Variants in GLCE observed in about 807,000 individuals in gnomAD.
GLCE encodes the protein D-glucuronyl C5-epimerase.
GLCE carries 19 observed loss-of-function variants against 47.9 expected under a neutral mutation model. The observed-to-expected ratio is 0.40, with a 90% CI of 0.28 to 0.58. GLCE has a LOEUF of 0.58. GLCE is among the 20% of genes least tolerant of loss of function. GLCE has a pLI of 0.48. For missense variants in GLCE, 556 were observed against 743.3 expected, an observed-to-expected ratio of 0.75 and a Z score of 2.93; for synonymous variants, 245 against 263.4, an observed-to-expected ratio of 0.93 and a Z score of 0.68.
At chr15:69,246,184 GTTAC>G (rs778079078) in intron 2 of GLCE, among the ~76,000 whole-genome samples, 21 of 152,090 alleles carry the variant, frequency 1.4e-4, no homozygotes, top group Non-Finnish European at 2.9e-4. Context: ...CACATCTGTA[GTTAC>G]TTCCTCCACT....
intron 2 of GLCE, among the ~76,000 whole-genome samples, chr15:69,229,422 G>T (rs544816753): frequency 6.6e-6 from 1 of 152,240 alleles, no homozygotes; most frequent in East Asian, 1.9e-4. Context: ...TTTGAGTTTG[G>T]GTTCAGAGAT....
At chr15:69,179,856 G>T (rs2051726505) in intron 1 of GLCE, among the ~76,000 whole-genome samples, 1 of 152,050 alleles carries the variant, frequency 6.6e-6, no homozygotes, top group Non-Finnish European at 1.5e-5. Context: ...GCGTGGTGGT[G>T]CATGCCTGTA....
At chr15:69,225,776 T>C (rs2052437970) in intron 2 of GLCE, among the ~76,000 whole-genome samples, 3 of 152,204 alleles carry the variant, frequency 2.0e-5, no homozygotes, top group African/African-American at 7.2e-5. Flanking sequence ...CATTTAATAC[T>C]ACATTATGAA....
At chr15:69,192,833 C>T (rs934901016) in intron 1 of GLCE, among the ~76,000 whole-genome samples, 5 of 152,108 alleles carry the variant, frequency 3.3e-5, no homozygotes, top group Admixed American at 1.3e-4. Context: ...TGCTATTCAG[C>T]AAGATTTCAC....
intron 2 of GLCE, among the ~76,000 whole-genome samples, chr15:69,217,169 C>CAT (rs894791021): frequency 4.6e-5 from 7 of 151,706 alleles, no homozygotes; most frequent in South Asian, 4.2e-4. Flanking sequence ...ACTTATAAAA[C>CAT]ATATATATAT....
At chr15:69,213,105 T>G (rs1327859002) in intron 2 of GLCE, among the ~76,000 whole-genome samples, 1 of 152,122 alleles carries the variant, frequency 6.6e-6, no homozygotes, top group African/African-American at 2.4e-5. Context: ...GAAATAATTT[T>G]AGATGTACAA....
chr15:69,236,875 T>C (rs528389617), intron 2 of GLCE, among the ~76,000 whole-genome samples: 1 of 152,338 alleles, frequency 6.6e-6, no homozygotes, highest in East Asian at 1.9e-4. Context: ...TTTGTAGTTA[T>C]GAGAATTAAG....
intron 4 of GLCE, among the ~76,000 whole-genome samples, chr15:69,264,226 G>C (rs1228716161): frequency 6.6e-6 from 1 of 151,354 alleles, no homozygotes; most frequent in Non-Finnish European, 1.5e-5. Context: ...TTGTTTGGAG[G>C]TCCACATATA....
At chr15:69,239,062 G>A (rs908125428) in intron 2 of GLCE, among the ~76,000 whole-genome samples, 1 of 152,156 alleles carries the variant, frequency 6.6e-6, no homozygotes, top group Non-Finnish European at 1.5e-5. Context: ...TCCTCCCAGG[G>A]TCTGTTTTCT....
intron 1 of GLCE, chr15:69,197,136 C>G (rs1566953226): frequency 5.2e-6 from 2 of 381,464 alleles, no homozygotes; most frequent in Non-Finnish European, 1.0e-5. Flanking sequence ...ATAAAGGGCC[C>G]AGTCCTTCGG....
chr15:69,166,281 G>GACT (rs1487753265), intron 1 of GLCE, among the ~76,000 whole-genome samples: 1 of 152,198 alleles, frequency 6.6e-6, no homozygotes, highest in East Asian at 1.9e-4. Context: ...TGCAGACTAT[G>GACT]ACTACATGTA....
At chr15:69,182,994 G>T (rs1005742857) in intron 1 of GLCE, among the ~76,000 whole-genome samples, 1 of 152,090 alleles carries the variant, frequency 6.6e-6, no homozygotes, top group Admixed American at 6.5e-5. Flanking sequence ...GTGAGACCCT[G>T]TCTCAGAACA....
intron 2 of GLCE, among the ~76,000 whole-genome samples, chr15:69,240,650 A>G (rs2052657578): frequency 6.6e-6 from 1 of 152,158 alleles, no homozygotes; most frequent in Non-Finnish European, 1.5e-5. Context: ...AGAAACAATA[A>G]AATAGAAACT....
Position 69,225,304 on chromosome 15 carries a change from G to A in GLCE, c.-14+14898G>A, listed in dbSNP as rs545998207. On this transcript the variant is annotated intron_variant, in intron 2 of 4. Transcript: ENST00000261858. ...GCAGTAAGCTAGGCATCCTTGCGTC[G>A]GCTGTCATAGAAGTCCCTGTCCTCT... Among the ~76,000 whole-genome samples the A allele has an allele frequency of 4.6e-5, 7 of 152,044 alleles. No homozygotes were observed. In the South Asian group the frequency reaches 8.3e-4, roughly 18 times the overall value.
intron 2 of GLCE, among the ~76,000 whole-genome samples, chr15:69,243,043 TG>T (rs1201349807): frequency 1.8e-5 from 2 of 110,270 alleles, no homozygotes; most frequent in African/African-American, 7.6e-5. Flanking sequence ...GGTGACAGAG[TG>T]AGAGATCCTG....
intron 1 of GLCE, among the ~76,000 whole-genome samples, chr15:69,202,511 C>T (rs1033571314): frequency 2.0e-5 from 3 of 152,032 alleles, no homozygotes; most frequent in Admixed American, 6.6e-5. Context: ...GGAAAAACTG[C>T]GGTATTCTTA....
At chr15:69,188,028 C>T (rs1383424475) in intron 1 of GLCE, among the ~76,000 whole-genome samples, 1 of 152,128 alleles carries the variant, frequency 6.6e-6, no homozygotes, top group Non-Finnish European at 1.5e-5. Context: ...CGCCCCACTG[C>T]ACTCCAGCCT....
intron 2 of GLCE, among the ~76,000 whole-genome samples, chr15:69,230,372 A>G (rs1047369385): frequency 3.3e-5 from 5 of 152,220 alleles, no homozygotes; most frequent in Non-Finnish European, 7.3e-5. Context: ...TCAGTTTACC[A>G]AGAGTATATA....
At chr15:69,191,750 C>T (rs1166124908) in intron 1 of GLCE, among the ~76,000 whole-genome samples, 1 of 152,028 alleles carries the variant, frequency 6.6e-6, no homozygotes, top group Admixed American at 6.6e-5. Context: ...TGTCAGGAAC[C>T]CTTTTGAAGT....
Sources: gnomAD v4.1 joint callset for allele counts (sites outside exome capture counted in the v4.1 genomes callset) on GRCh38, gnomAD v4.1.1 for gene constraint, MANE v1.5 for transcripts, NCBI Gene and HGNC (gene_info 2026-07-23, HGNC 2026-07-21) for gene names.